The following RPGRIP1 variants were observed in gnomAD, a reference collection of about 807,000 sequenced individuals.
RPGRIP1 encodes the protein X-linked retinitis pigmentosa GTPase regulator-interacting protein 1.
In RPGRIP1, 128 loss-of-function variants were observed where a neutral mutation model predicts 157.9. The ratio of observed to expected loss-of-function variants is 0.81; its 90% confidence interval spans 0.70 to 0.94. The LOEUF (loss-of-function observed/expected upper bound fraction) is 0.94, where lower values mean the gene tolerates loss of function less well. Ranked by LOEUF, RPGRIP1 falls within the 40% of genes least tolerant of loss-of-function variation. The pLI, the probability that RPGRIP1 is intolerant of heterozygous loss-of-function variation, is 0.00. For missense variants in RPGRIP1, 1,486 were observed against 1,545.8 expected (o/e 0.96, Z 0.65); for synonymous variants, 554 against 571.6 (o/e 0.97, Z 0.44).
chr14:21,320,930 G>A (rs1490031211), intron 12 of RPGRIP1, among the ~76,000 whole-genome samples: 1 of 152,142 alleles, frequency 6.6e-6, no homozygotes, highest in African/African-American at 2.4e-5. Context: ...ACTGTGAGAA[G>A]GCAGAGCGTA....
intron 1 of RPGRIP1, 133 bp from the exon 2 acceptor site, chr14:21,287,803 CACT>C (rs1880352430): frequency 3.9e-6 from 2 of 512,906 alleles, no homozygotes. Flanking sequence ...GAGTTGTCCA[CACT>C]ACCATGAGAA....
chr14:21,281,313 C>A (rs1880117499), intron 1 of RPGRIP1, among the ~76,000 whole-genome samples: 1 of 152,138 alleles, frequency 6.6e-6, no homozygotes, highest in African/African-American at 2.4e-5. Context: ...TGAGCCACCA[C>A]ACCTGCCCAA....
At chr14:21,303,764 A>G (rs570102291) in intron 6 of RPGRIP1, among the ~76,000 whole-genome samples, 1 of 152,056 alleles carries the variant, frequency 6.6e-6, no homozygotes, top group Non-Finnish European at 1.5e-5. Context: ...AGGCAGGCCG[A>G]TCACCTGAGG....
chr14:21,283,673 C>G (rs1880208891), intron 1 of RPGRIP1, among the ~76,000 whole-genome samples: 2 of 144,814 alleles, frequency 1.4e-5, no homozygotes, highest in South Asian at 4.4e-4. Context: ...TTTTTTTAGA[C>G]AGAGTCTCAC....
At chr14:21,306,025 T>C (rs1480900104) in intron 6 of RPGRIP1, among the ~76,000 whole-genome samples, 1 of 148,400 alleles carries the variant, frequency 6.7e-6, no homozygotes, top group Non-Finnish European at 1.5e-5. Flanking sequence ...TGAGATAGAG[T>C]GGAGTGAACC....
chr14:21,318,939 A>T (rs1434529524), intron 11 of RPGRIP1, among the ~76,000 whole-genome samples: 1 of 151,930 alleles, frequency 6.6e-6, no homozygotes, highest in Non-Finnish European at 1.5e-5. Context: ...CTTGGATCTC[A>T]GGAGATAGGT....
intron 21 of RPGRIP1, among the ~76,000 whole-genome samples, chr14:21,339,640 T>C (rs17792641): frequency 0.1 from 15,909 of 152,240 alleles, 1,037 homozygotes; most frequent in Middle Eastern, 0.21. Flanking sequence ...TGATCGATAT[T>C]GCATTAAAAT....
At chr14:21,320,872 A>G (rs1311888877) in intron 12 of RPGRIP1, among the ~76,000 whole-genome samples, 1 of 152,170 alleles carries the variant, frequency 6.6e-6, no homozygotes, top group Non-Finnish European at 1.5e-5. Context: ...AAGTGCTGGG[A>G]TTACAGGCAC....
chr14:21,335,806 C>CAAAAAAAAAAA (rs536624884), intron 21 of RPGRIP1, among the ~76,000 whole-genome samples: 6 of 149,988 alleles, frequency 4.0e-5, no homozygotes, highest in African/African-American at 1.3e-4. Flanking sequence ...GACTACGTCT[C>CAAAAAAAAAAA]AAAAAAAAGA....
intron 6 of RPGRIP1, among the ~76,000 whole-genome samples, chr14:21,307,131 A>G (rs867287846): frequency 1.3e-5 from 2 of 152,114 alleles, no homozygotes; most frequent in Admixed American, 6.6e-5. Flanking sequence ...ATTTCAGCTC[A>G]CTGCAACCTC....
intron 3 of RPGRIP1, among the ~76,000 whole-genome samples, chr14:21,295,817 C>A (rs1375361079): frequency 6.6e-6 from 1 of 152,126 alleles, no homozygotes; most frequent in African/African-American, 2.4e-5. Context: ...TCTGTTTGGG[C>A]TGGAGTGCAG....
At chr14:21,281,704 A>AAAAAAAAAAAAAAAT (rs368706187) in intron 1 of RPGRIP1, among the ~76,000 whole-genome samples, 1 of 133,996 alleles carries the variant, frequency 7.5e-6, no homozygotes, top group African/African-American at 3.0e-5. Flanking sequence ...AAAAAAAAAT[A>AAAAAAAAAAAAAAAT]AATAATAATA....
At chr14:21,337,460 TAG>T (rs1884486876) in intron 21 of RPGRIP1, among the ~76,000 whole-genome samples, 1 of 146,724 alleles carries the variant, frequency 6.8e-6, no homozygotes, top group African/African-American at 2.6e-5. Flanking sequence ...TTTTTTGAGA[TAG>T]AGTCTTGTTC....
intron 6 of RPGRIP1, among the ~76,000 whole-genome samples, chr14:21,304,758 CCAT>C (rs1881225050): frequency 6.6e-6 from 1 of 151,992 alleles, no homozygotes; most frequent in Non-Finnish European, 1.5e-5. Context: ...TATCACCTGA[CCAT>C]CATTTAATAG....
At position 21,325,001 on chromosome 14, in the gene RPGRIP1, G is replaced by A. The variant is rs1376310690; in HGVS notation, c.2146G>A (p.Ala716Thr). 1 of 1,613,926 alleles carries A rather than the reference G, an allele frequency of 6.2e-7. No individual in the cohort carries two copies. Among genetic ancestry groups the A allele is most frequent in the Non-Finnish European group, 8.5e-7 (1 of 1,179,908 alleles). ...AMASEHSTLA[A>T]GWICFDRVLE... ...GGCCAGTGAACACAGCACTCTTGCT[G>A]CAGGATGGATTTGCTTTGACAGGGT... The change falls in exon 15 of 25, where the codon GCA (alanine) becomes ACA (threonine). Residue 716 changes from alanine to threonine, a missense_variant. Coordinates refer to ENST00000400017, the MANE Select transcript of RPGRIP1 (RefSeq NM_020366.4).
rs112381809 is a variant in RPGRIP1 at position 21,295,053 on chromosome 14, A to C, written c.218+244A>C. 3.9e-3 allele frequency among the ~76,000 whole-genome samples: 587 copies of C among 151,992 alleles called. 5 individuals are homozygous for C. The highest frequency in any genetic ancestry group is 0.014 in the African/African-American group (569 of 41,462). On this transcript the variant is annotated intron_variant, in intron 3 of 24. Transcript: ENST00000400017. Reference sequence around the variant, plus strand: ...GAGATGGGGATTCGCCATGTTGGCCAGGTTGGTCTTGAACTCCTGACCTCA... The same window carrying C: ...GAGATGGGGATTCGCCATGTTGGCCCGGTTGGTCTTGAACTCCTGACCTCA...
chr14:21,302,934 A>AG (rs2139159788), intron 5 of RPGRIP1: 1 of 163,220 alleles, frequency 6.1e-6, no homozygotes. Context: ...CAGCAGCGTG[A>AG]TCTTGGTTCA....
In RPGRIP1 at chr14:21,320,002, A is replaced by C. The variant is rs1414741859; in HGVS notation, c.1307-15A>C. The C allele has an allele frequency of 5.6e-6, 9 of 1,602,096 alleles. No homozygotes were observed. The highest frequency in any genetic ancestry group is 1.7e-5 in the Admixed American group (1 of 57,828). On this transcript the variant is annotated splice_polypyrimidine_tract_variant and intron_variant, in intron 11 of 24. Transcript: ENST00000400017. Reference sequence around the variant, plus strand: ...TAACTACAGAATTTCACATTTCTGGATTATTTTTCCCCAGCCCAAAATGAG... The same window carrying C: ...TAACTACAGAATTTCACATTTCTGGCTTATTTTTCCCCAGCCCAAAATGAG...
chr14:21,320,589 C>T (rs1010456979), intron 12 of RPGRIP1, among the ~76,000 whole-genome samples: 1 of 145,920 alleles, frequency 6.9e-6, no homozygotes, highest in Non-Finnish European at 1.5e-5. Context: ...CCGCGCCCGG[C>T]CCACTCTTTT....
Sources: allele counts gnomAD v4.1 joint callset (sites outside exome capture counted in the v4.1 genomes callset), GRCh38; gene constraint gnomAD v4.1.1; transcripts MANE v1.5; gene names NCBI Gene and HGNC (gene_info 2026-07-23, HGNC 2026-07-21).